FBRSL1: variants seen among roughly 807,000 people sequenced by gnomAD.
The protein encoded by FBRSL1 is fibrosin-1-like protein.
In FBRSL1, 51 loss-of-function variants were observed where a neutral mutation model predicts 89.6. That is an observed-to-expected ratio of 0.57 (90% confidence interval 0.45 to 0.72). The LOEUF is 0.72. Ranked by LOEUF, FBRSL1 falls within the 30% of genes least tolerant of loss-of-function variation. The pLI is 0.00. For synonymous variants in FBRSL1, 779 were observed against 681.1 expected (o/e 1.14, Z -2.24); for missense variants, 1,618 against 1,451.8 (o/e 1.11, Z -1.86).
At chr12:132,508,771 G>C (rs147540289) in intron 2 of FBRSL1, among the ~76,000 whole-genome samples, 1 of 152,244 alleles carries the variant, frequency 6.6e-6, no homozygotes, top group African/African-American at 2.4e-5. Context: ...TCACGTGTGC[G>C]GCGTGGGGAA....
At position 132,525,495 on chromosome 12, in the gene FBRSL1, C is replaced by G. The variant is rs547629116; in HGVS notation, c.490-239C>G. ...GTAGAGTGTGTTATCAGTGTGTGCGCTGTCAGCTGGGATGGCATTCCTGGC... is the reference window on the plus strand; with the variant it reads ...GTAGAGTGTGTTATCAGTGTGTGCGGTGTCAGCTGGGATGGCATTCCTGGC... On this transcript the variant is annotated intron_variant, in intron 2 of 18. Coordinates refer to ENST00000680143, the MANE Select transcript of FBRSL1 (RefSeq NM_001367871.1). Among the ~76,000 whole-genome samples the G allele has an allele frequency of 4.6e-5, 7 of 152,326 alleles. No homozygotes were observed. In the East Asian group the frequency reaches 1.3e-3, roughly 29 times the overall value.
intron 11 of FBRSL1, among the ~76,000 whole-genome samples, chr12:132,573,645 C>T (rs144061620): frequency 1.9e-3 from 272 of 139,974 alleles, no homozygotes; most frequent in Non-Finnish European, 3.3e-3. Context: ...AGGGAAGGGG[C>T]GGTAGAGCCA....
At chr12:132,505,208 T>C (rs2033532554) in intron 1 of FBRSL1, among the ~76,000 whole-genome samples, 2 of 152,150 alleles carry the variant, frequency 1.3e-5, no homozygotes. Flanking sequence ...CACGATGAAG[T>C]GGGTGAGCGC....
chr12:132,541,027 G>A (rs1036132712), intron 4 of FBRSL1, among the ~76,000 whole-genome samples: 2 of 150,800 alleles, frequency 1.3e-5, no homozygotes, highest in African/African-American at 4.9e-5. Context: ...CTGTGAGCCT[G>A]GGGGGCAGAG....
At chr12:132,539,165 G>C (rs906533740) in intron 4 of FBRSL1, among the ~76,000 whole-genome samples, 7 of 152,044 alleles carry the variant, frequency 4.6e-5, no homozygotes, top group Non-Finnish European at 1.0e-4. Context: ...CTCCATGGCA[G>C]CTCTTTCCAG....
At chr12:132,523,415 A>G (rs2035530296) in intron 2 of FBRSL1, among the ~76,000 whole-genome samples, 1 of 151,916 alleles carries the variant, frequency 6.6e-6, no homozygotes. Flanking sequence ...CGGGTTTGGG[A>G]GGAGCACACG....
At chr12:132,547,436 T>C (rs2037789902) in intron 4 of FBRSL1, among the ~76,000 whole-genome samples, 1 of 152,202 alleles carries the variant, frequency 6.6e-6, no homozygotes, top group African/African-American at 2.4e-5. Context: ...TGTCTAACCC[T>C]GAGCGGCCGT....
intron 1 of FBRSL1, among the ~76,000 whole-genome samples, chr12:132,507,563 G>A (rs1024517669): frequency 3.3e-5 from 5 of 152,152 alleles, no homozygotes; most frequent in Non-Finnish European, 7.4e-5. Context: ...CAGGTTTACA[G>A]GGGGCCTGGG....
At chr12:132,530,998 G>T (rs1213653424) in intron 4 of FBRSL1, among the ~76,000 whole-genome samples, 3 of 150,368 alleles carry the variant, frequency 2.0e-5, no homozygotes, top group Non-Finnish European at 3.0e-5. Context: ...CCAGTGTGGG[G>T]GGGGGGGTGC....
In FBRSL1 at chr12:132,544,401, C is replaced by A. The variant is rs2037510338; in HGVS notation, c.616-3602C>A. 2.6e-5 allele frequency among the ~76,000 whole-genome samples: 4 copies of A among 152,278 alleles called. No individual in the cohort carries two copies. In the South Asian group the frequency reaches 8.3e-4, roughly 32 times the overall value. ...CTCCTCGTGGCTACAGGAAGGCTCA[C>A]CTTTCCAGCCTTGGCCATCAGGGTC... On this transcript the variant is annotated intron_variant, in intron 4 of 18. Coordinates refer to ENST00000680143, the MANE Select transcript of FBRSL1 (RefSeq NM_001367871.1).
rs1053225474 is a variant in FBRSL1, at chr12:132,584,745, A to C, written c.*967A>C. 1 of 152,294 alleles carries C rather than the reference A, an allele frequency of 6.6e-6. No individual in the cohort carries two copies. The highest frequency in any genetic ancestry group is 1.5e-5 in the Non-Finnish European group (1 of 68,216). 9.4% of individuals were successfully genotyped at this position (152,294 alleles called of 1,614,324 possible). On this transcript the variant is annotated 3_prime_UTR_variant, in exon 19 of 19. Coordinates refer to ENST00000680143, the MANE Select transcript of FBRSL1 (RefSeq NM_001367871.1). Reference sequence around the variant, plus strand: ...GGCGATGCTGTGGACGTTTGTGTGGATGGTGCAGTGTTCTTGGAATCTGTA... The same window carrying C: ...GGCGATGCTGTGGACGTTTGTGTGGCTGGTGCAGTGTTCTTGGAATCTGTA...
At position 132,551,194 on chromosome 12, in the gene FBRSL1, G is replaced by A. The variant is rs1217133042; in HGVS notation, c.645+3162G>A. The stretch of plus-strand genomic sequence containing the variant: ...GTGCTTCGCATCAGCAGTGCCCAGA[G>A]CCCCTCAGCAGCCCCGGGCTTGTGT... On this transcript the variant is annotated intron_variant, in intron 5 of 18. Transcript: ENST00000680143. The A allele has an allele frequency of 1.1e-5, 4 of 355,174 alleles. No individual in the cohort carries two copies. The Admixed American group carries it at 1.5e-4, about 13-fold the overall frequency. The allele number at this position is 355,174 out of a possible 1,614,324, so 22.0% of individuals were successfully genotyped here.
rs565164779 is a variant in FBRSL1 at position 132,539,620 on chromosome 12, G to A, written c.616-8383G>A. On this transcript the variant is annotated intron_variant, in intron 4 of 18. Coordinates refer to ENST00000680143, the MANE Select transcript of FBRSL1 (RefSeq NM_001367871.1). ...AGTCCTGCCCTCCAGCCCCGTGCCC[G>A]CCCAGTCCTGCCCTCCAGCCCCATG... is the stretch of plus-strand genomic sequence containing the variant. 1.1e-3 allele frequency among the ~76,000 whole-genome samples: 43 copies of A among 39,440 alleles called. 1 individual carries two copies. Among genetic ancestry groups the A allele is most frequent in the African/African-American group, 3.9e-3 (37 of 9,482 alleles). 25.9% of individuals were successfully genotyped at this position (39,440 alleles called of 152,430 possible). A position where few individuals can be genotyped will look rare whatever the true frequency, so the allele number is the denominator to read the frequency against.
chr12:132,561,724 A>G (rs7300898), intron 5 of FBRSL1, among the ~76,000 whole-genome samples: 62,881 of 152,088 alleles, frequency 0.41, 13,968 homozygotes, highest in East Asian at 0.85. Flanking sequence ...AGCCAAGAAG[A>G]GGGCCCGCGT....
chr12:132,534,257 G>A (rs1466396369), intron 4 of FBRSL1, among the ~76,000 whole-genome samples: 1 of 152,240 alleles, frequency 6.6e-6, no homozygotes, highest in Non-Finnish European at 1.5e-5. Flanking sequence ...CTGCGGGAGG[G>A]TGGGACGCCA....
Position 132,583,837 on chromosome 12 carries a change from T to C in FBRSL1, c.*59T>C. On this transcript the variant is annotated 3_prime_UTR_variant, in exon 19 of 19. Coordinates refer to ENST00000680143, the MANE Select transcript of FBRSL1 (RefSeq NM_001367871.1). ...GCACCGCTGTCCGTCTCTCCATCAG[T>C]TCCTAGAACTCAAGCACAGCTCCCG... 1 of 1,014,634 alleles carries C rather than the reference T, an allele frequency of 9.9e-7. No individual in the cohort carries two copies. The allele number at this position is 1,014,634 out of a possible 1,614,324, so 62.9% of individuals were successfully genotyped here.
chr12:132,567,442 C>T, intron 5 of FBRSL1, 39 bp from the exon 6 acceptor site: 2 of 1,548,768 alleles, frequency 1.3e-6, no homozygotes, highest in South Asian at 2.4e-5. Context: ...AGGATGAGGA[C>T]CACCCTGACT....
intron 4 of FBRSL1, among the ~76,000 whole-genome samples, chr12:132,539,177 C>T (rs893991233): frequency 1.3e-4 from 20 of 152,088 alleles, no homozygotes; most frequent in Admixed American, 3.9e-4. Flanking sequence ...TCTTTCCAGG[C>T]GCCTGCTCTT....
intron 16 of FBRSL1, 41 bp from the exon 17 acceptor site, chr12:132,581,700 C>G (rs2040761025): frequency 1.3e-6 from 2 of 1,540,760 alleles, no homozygotes; most frequent in East Asian, 2.4e-5. Flanking sequence ...AGCCGCAGCC[C>G]ACGCCTCACA....
Sources: gnomAD v4.1 joint callset for allele counts (sites outside exome capture counted in the v4.1 genomes callset) on GRCh38, gnomAD v4.1.1 for gene constraint, MANE v1.5 for transcripts, NCBI Gene and HGNC (gene_info 2026-07-23, HGNC 2026-07-21) for gene names.